ITGAM: variants seen among roughly 807,000 people sequenced by gnomAD.
The protein encoded by ITGAM is integrin alpha-M.
ITGAM carries 79 observed loss-of-function variants against 137.5 expected under a neutral mutation model. The observed-to-expected ratio is 0.57, with a 90% CI of 0.48 to 0.69. The LOEUF is 0.69. Ranked by LOEUF, ITGAM falls within the 30% of genes least tolerant of loss-of-function variation. ITGAM has a pLI of 0.00. For synonymous variants in ITGAM, 583 were observed against 592.3 expected (o/e 0.98, Z 0.23); for missense variants, 1,343 against 1,483.5 (o/e 0.91, Z 1.56).
In ITGAM at chr16:31,265,426, G is replaced by A. The variant is rs1007442650; in HGVS notation, c.166G>A (p.Ala56Thr). Residue 56 changes from alanine to threonine, a missense_variant, in exon 3 of 30, where the codon GCT becomes ACT. Transcript: ENST00000544665. ...VVVGAPQEIV[A>T]ANQRGSLYQC... ...GGTTGGAGCCCCCCAGGAGATAGTG[G>A]CTGCCAACCAAAGGGGCAGCCTCTA... 1 of 1,606,494 alleles carries A rather than the reference G, an allele frequency of 6.2e-7. No individual in the cohort carries two copies. The highest frequency in any genetic ancestry group is 8.5e-7 in the Non-Finnish European group (1 of 1,176,986).
chr16:31,271,779 G>A, intron 6 of ITGAM, 68 bp from the exon 7 acceptor site: 2 of 1,588,682 alleles, frequency 1.3e-6, no homozygotes, highest in Admixed American at 1.8e-5. Flanking sequence ...TCTTCGTGGA[G>A]CTTGCTGGGA....
Position 31,299,844 on chromosome 16 carries a change from TCTC to T in ITGAM, c.1707+1911_1707+1913del, listed in dbSNP as rs148409269. On this transcript the variant is annotated intron_variant, in intron 14 of 29. Coordinates refer to ENST00000544665, the MANE Select transcript of ITGAM (RefSeq NM_000632.4). ...CTCCTCCCCCTCCTCGTCGTCCTCC[TCTC>T]CTCCTCCTCCTCCTCCTCCTTCTTC... is the stretch of plus-strand genomic sequence containing the variant. Among the ~76,000 whole-genome samples, 265 of 110,296 alleles carry T rather than the reference TCTC, an allele frequency of 2.4e-3. No homozygotes were observed. In the Middle Eastern group the frequency reaches 0.04, roughly 17 times the overall value. The allele number at this position is 110,296 out of a possible 152,430, so 72.4% of individuals were successfully genotyped here. A position where few individuals can be genotyped will look rare whatever the true frequency, so the allele number is the denominator to read the frequency against.
At chr16:31,265,676 T>C in intron 3 of ITGAM, 135 bp from the exon 4 acceptor site, 1 of 830,860 alleles carries the variant, frequency 1.2e-6, no homozygotes, top group Non-Finnish European at 1.9e-6. Context: ...TGTGTTCCTT[T>C]CTTTCCCAAG....
Position 31,278,087 on chromosome 16 carries a change from A to G in ITGAM, c.1334A>G (p.Asn445Ser), listed in dbSNP as rs752984257. 3 of 1,608,588 alleles carry G rather than the reference A, an allele frequency of 1.9e-6. No individual in the cohort carries two copies. The highest frequency in any genetic ancestry group is 1.7e-5 in the Admixed American group (1 of 59,140). ...FRQNTGMWES[N>S]ANVKGTQIGA... is the part of the protein sequence containing the mutation. ...CAGAACACTGGCATGTGGGAGTCCAACGCTAATGTCAAGGGCACCCAGGTG... is the reference window on the plus strand; with the variant it reads ...CAGAACACTGGCATGTGGGAGTCCAGCGCTAATGTCAAGGGCACCCAGGTG... The change falls in exon 12 of 30, where the codon AAC becomes AGC. Residue 445 changes from asparagine (N) to serine (S), a missense_variant. Transcript: ENST00000544665.
intron 19 of ITGAM, 94 bp from the exon 20 acceptor site, chr16:31,325,169 T>C: frequency 6.6e-7 from 1 of 1,510,988 alleles, no homozygotes; most frequent in Non-Finnish European, 8.9e-7. Context: ...CTGTTGTCTC[T>C]TCATCAAGTG....
intron 14 of ITGAM, among the ~76,000 whole-genome samples, chr16:31,302,222 G>T (rs1035315924): frequency 6.6e-6 from 1 of 152,082 alleles, no homozygotes; most frequent in African/African-American, 2.4e-5. Flanking sequence ...CATCTGTTGT[G>T]CAATAGCAGG....
intron 2 of ITGAM, among the ~76,000 whole-genome samples, chr16:31,264,053 T>G (rs60660286): frequency 0.72 from 109,840 of 151,594 alleles, 40,559 homozygotes; most frequent in African/African-American, 0.87. Flanking sequence ...AGCCAGGATG[T>G]TCTCGATTTC....
chr16:31,309,058 T>C (rs2080295513), intron 14 of ITGAM, among the ~76,000 whole-genome samples: 1 of 78,712 alleles, frequency 1.3e-5, no homozygotes, highest in Non-Finnish European at 2.5e-5. Context: ...TGCTGAGGAG[T>C]GCTTTACTTC....
In ITGAM at chr16:31,330,387, TCAAA is replaced by T; in HGVS notation, c.3141_3144del (p.Lys1048AlafsTer17). ...ATCCAGGAAGAATTCAATGCTACCC[TCAAA>T]GGCAACCTCTCGTTTGACTGGTACA... is the stretch of plus-strand genomic sequence containing the variant. On this transcript the variant is annotated frameshift_variant, in exon 27 of 30. Transcript: ENST00000544665. LOFTEE classifies it high-confidence loss of function. The T allele has an allele frequency of 6.2e-7, 1 of 1,613,924 alleles. No homozygotes were observed. Among genetic ancestry groups the T allele is most frequent in the South Asian group, 1.1e-5 (1 of 91,084 alleles).
intron 14 of ITGAM, among the ~76,000 whole-genome samples, chr16:31,305,797 G>C (rs370691469): frequency 6.6e-6 from 1 of 151,904 alleles, no homozygotes; most frequent in South Asian, 2.1e-4. Flanking sequence ...CCATTCCTGC[G>C]TCCTTGGGAT....
chr16:31,331,589 A>C, intron 29 of ITGAM, 47 bp from the exon 30 acceptor site: 1 of 1,044,870 alleles, frequency 9.6e-7, no homozygotes, highest in Non-Finnish European at 1.3e-6. Flanking sequence ...GCGGAGCCGC[A>C]CGCTCCCTGG....
Position 31,330,553 on chromosome 16 carries a change from AC to A in ITGAM, c.3225del (p.Asn1075LysfsTer15). 1 of 1,613,436 alleles carries A rather than the reference AC, an allele frequency of 6.2e-7. No individual in the cohort carries two copies. Among genetic ancestry groups the A allele is most frequent in the Non-Finnish European group, 8.5e-7 (1 of 1,179,562 alleles). On this transcript the variant is annotated frameshift_variant, in exon 28 of 30. Transcript: ENST00000544665. LOFTEE classifies it high-confidence loss of function. ...GTGAGCACAGCTGAGATCTTGTTTAACGATTCCGTGTTCACCCTGCTGCCGG... is the reference window on the plus strand; with the variant it reads ...GTGAGCACAGCTGAGATCTTGTTTAAGATTCCGTGTTCACCCTGCTGCCGG... The part of the protein sequence containing the change: ...LIVSTAEILF[N>X]DSVFTLLPGQ...
intron 22 of ITGAM, 155 bp downstream of exon 22, chr16:31,327,090 T>C: frequency 1.4e-6 from 1 of 699,550 alleles, no homozygotes; most frequent in South Asian, 1.6e-5. Flanking sequence ...GTGCTGGGCC[T>C]TGTGCTGAGT....
intron 21 of ITGAM, 62 bp from the exon 22 acceptor site, chr16:31,326,794 G>A (rs1003744881): frequency 8.0e-5 from 87 of 1,090,598 alleles, no homozygotes; most frequent in African/African-American, 5.0e-4. Flanking sequence ...ATCAGATGAC[G>A]GGCATTTGGG....
In ITGAM at chr16:31,297,559, A is replaced by G; in HGVS notation, c.1402A>G (p.Ser468Gly). The G allele has an allele frequency of 6.2e-7, 1 of 1,612,162 alleles. No homozygotes were observed. Among genetic ancestry groups the G allele is most frequent in the East Asian group, 2.2e-5 (1 of 44,880 alleles). ...GASLCSVDVD[S>G]NGSTDLVLIG... ...CTCCCTCTGCTCCGTGGACGTGGAC[A>G]GCAACGGCAGCACCGACCTGGTCCT... Residue 468 changes from serine to glycine, a missense_variant, in exon 13 of 30, where the codon AGC becomes GGC. Coordinates refer to ENST00000544665, the MANE Select transcript of ITGAM (RefSeq NM_000632.4).
At position 31,321,224 on chromosome 16, in the gene ITGAM, C is replaced by T. The variant is rs772436903; in HGVS notation, c.1708-17C>T. ...TTCCTACCCCTTTCTCTCTCCACACCTCTTTTTTACCCTCAGCGGATAGCA... is the reference window on the plus strand; with the variant it reads ...TTCCTACCCCTTTCTCTCTCCACACTTCTTTTTTACCCTCAGCGGATAGCA... On this transcript the variant is annotated splice_polypyrimidine_tract_variant and intron_variant, in intron 14 of 29. Transcript: ENST00000544665. The T allele has an allele frequency of 1.9e-6, 3 of 1,613,412 alleles. No individual in the cohort carries two copies. The Admixed American group carries it at 5.0e-5, about 27-fold the overall frequency.
intron 12 of ITGAM, among the ~76,000 whole-genome samples, chr16:31,291,082 GGA>G (rs57576899): frequency 0.032 from 4,927 of 152,144 alleles, 292 homozygotes; most frequent in African/African-American, 0.11. Flanking sequence ...CTAAATAAAT[GGA>G]GAGAGACGCT....
At chr16:31,280,316 A>C (rs1272710238) in intron 12 of ITGAM, among the ~76,000 whole-genome samples, 1 of 152,130 alleles carries the variant, frequency 6.6e-6, no homozygotes, top group Non-Finnish European at 1.5e-5. Context: ...GAATCTATGA[A>C]TTATGTTGGG....
intron 14 of ITGAM, among the ~76,000 whole-genome samples, chr16:31,313,923 A>G (rs946313449): frequency 6.6e-6 from 1 of 152,100 alleles, no homozygotes; most frequent in Non-Finnish European, 1.5e-5. Context: ...TCATCATTTT[A>G]ACTGGCATGA....
Sources: gnomAD v4.1 joint callset for allele counts (sites outside exome capture counted in the v4.1 genomes callset) on GRCh38, gnomAD v4.1.1 for gene constraint, MANE v1.5 for transcripts, NCBI Gene and HGNC (gene_info 2026-07-23, HGNC 2026-07-21) for gene names.